The following PCDHGB1 variants were observed in gnomAD, a reference collection of about 807,000 sequenced individuals.
PCDHGB1 encodes the protein protocadherin gamma-B1.
In PCDHGB1, 34 loss-of-function variants were observed where a neutral mutation model predicts 56.6. That is an observed-to-expected ratio of 0.60 (90% CI 0.46 to 0.80). PCDHGB1 has a LOEUF of 0.80. Ranked by LOEUF, PCDHGB1 falls within the 30% of genes least tolerant of loss-of-function variation. The pLI, the probability that PCDHGB1 is intolerant of heterozygous loss-of-function variation, is 0.00. For missense variants in PCDHGB1, 1,278 were observed against 1,204.6 expected, an observed-to-expected ratio of 1.06 and a Z score of -0.90; for synonymous variants, 561 against 505.9, an observed-to-expected ratio of 1.11 and a Z score of -1.46.
At chr5:141,382,989 T>C (rs1377336206) in intron 1 of PCDHGB1, 5 of 1,613,356 alleles carry the variant, frequency 3.1e-6, no homozygotes, top group East Asian at 2.2e-5. Context: ...GGGCAGGACG[T>C]ATTCTCTACT....
intron 1 of PCDHGB1, among the ~76,000 whole-genome samples, chr5:141,454,831 A>C (rs1489772379): frequency 1.3e-5 from 1 of 78,366 alleles, no homozygotes; most frequent in African/African-American, 6.7e-5. Context: ...TTTTTGAGAC[A>C]GAGTCGCGCT....
intron 3 of PCDHGB1, among the ~76,000 whole-genome samples, chr5:141,510,504 G>A (rs371169260): frequency 1.3e-5 from 2 of 152,154 alleles, no homozygotes; most frequent in African/African-American, 4.8e-5. Flanking sequence ...AAGGAACTGA[G>A]AGCCCGTGTC....
chr5:141,492,723 C>T (rs896613323), intron 1 of PCDHGB1, among the ~76,000 whole-genome samples: 2 of 152,268 alleles, frequency 1.3e-5, no homozygotes, highest in African/African-American at 4.8e-5. Flanking sequence ...GGCGGACAGG[C>T]AGAGCTGCCC....
rs187164796 is a variant in PCDHGB1, at chr5:141,398,527, A to C, written c.2409+45858A>C. On this transcript the variant is annotated intron_variant, in intron 1 of 3. Transcript: ENST00000523390. ...CATTAATGACCACACGCCAAAATTC[A>C]CGCAAAATTCCTTTGAGCTGCAAAT... 1.8e-3 allele frequency: 2,980 copies of C among 1,613,696 alleles called. 47 individuals are homozygous for C. The African/African-American group carries it at 0.033, about 18-fold the overall frequency.
chr5:141,426,565 T>G, intron 1 of PCDHGB1: 1 of 351,600 alleles, frequency 2.8e-6, no homozygotes, highest in Non-Finnish European at 5.7e-6. Flanking sequence ...AGATCGAGAG[T>G]CACTGTCTTC....
At chr5:141,505,673 G>C (rs1389292278) in intron 3 of PCDHGB1, among the ~76,000 whole-genome samples, 192 bp downstream of exon 3, 1 of 152,178 alleles carries the variant, frequency 6.6e-6, no homozygotes, top group East Asian at 1.9e-4. Context: ...AGGGGTTGGG[G>C]GTCCTGGGAT....
chr5:141,432,014 A>G lies in PCDHGB1; in HGVS notation c.2410-62793A>G, dbSNP rs778393699. The G allele has an allele frequency of 1.5e-5, 25 of 1,614,078 alleles. No individual in the cohort carries two copies. The highest frequency in any genetic ancestry group is 2.0e-5 in the Non-Finnish European group (24 of 1,180,036). ...GGATAGGGAACAGGTTCCTAGCTAC[A>G]ACATCACAGTGACCGCCACTGACCG... On this transcript the variant is annotated intron_variant, in intron 1 of 3. Coordinates refer to ENST00000523390, the MANE Select transcript of PCDHGB1 (RefSeq NM_018922.3). This position sits in a 1 kb window ranked among gnomAD's most constrained non-coding sequence, Gnocchi z 6.0.
chr5:141,364,432 G>T (rs763376851), intron 1 of PCDHGB1: 1 of 1,613,796 alleles, frequency 6.2e-7, no homozygotes, highest in Non-Finnish European at 8.5e-7. Context: ...TCCGCTACTC[G>T]ATGCCGGAGG....
At chr5:141,427,450 C>A in intron 1 of PCDHGB1, 1 of 486,442 alleles carries the variant, frequency 2.1e-6, no homozygotes, top group Non-Finnish European at 4.0e-6. Context: ...GAAAGAGTTC[C>A]TTTTAGAATC....
intron 1 of PCDHGB1, chr5:141,375,556 G>A (rs750283278): frequency 2.9e-5 from 47 of 1,614,044 alleles, no homozygotes; most frequent in Non-Finnish European, 4.0e-5. Context: ...CCTACTCACT[G>A]GCAGAAGACA....
intron 1 of PCDHGB1, chr5:141,440,087 A>C (rs1014881024): frequency 6.6e-6 from 1 of 152,316 alleles, no homozygotes; most frequent in African/African-American, 2.4e-5. Context: ...CTTCATTCTA[A>C]GTGGGGAAAG....
intron 1 of PCDHGB1, chr5:141,366,538 C>T (rs1369448812): frequency 2.5e-6 from 4 of 1,614,268 alleles, no homozygotes; most frequent in Admixed American, 1.7e-5. Flanking sequence ...CGGGTGTGCC[C>T]GCCTCGCACT....
rs201412037 is a variant in PCDHGB1, at chr5:141,421,093, A to G, written c.2409+68424A>G. The G allele has an allele frequency of 3.5e-5, 23 of 665,630 alleles. No homozygotes were observed. In the East Asian group the frequency reaches 6.2e-4, roughly 18 times the overall value. 41.2% of individuals were successfully genotyped at this position (665,630 alleles called of 1,614,324 possible). On this transcript the variant is annotated intron_variant, in intron 1 of 3. Coordinates refer to ENST00000523390, the MANE Select transcript of PCDHGB1 (RefSeq NM_018922.3). ...GAGATGGATACTCACAGATCCTGAC[A>G]CTGGAGACTTAGAAGTATTTTCCTT... is the stretch of plus-strand genomic sequence containing the variant.
At chr5:141,435,215 C>G (rs4912753) in intron 1 of PCDHGB1, among the ~76,000 whole-genome samples, 81,908 of 151,924 alleles carry the variant, frequency 0.54, 24,122 homozygotes, top group African/African-American at 0.79. Flanking sequence ...AGTGAATTTA[C>G]TTTCTTTCAA....
At chr5:141,369,119 A>C (rs1265778026) in intron 1 of PCDHGB1, among the ~76,000 whole-genome samples, 2 of 152,206 alleles carry the variant, frequency 1.3e-5, no homozygotes, top group Non-Finnish European at 2.9e-5. Flanking sequence ...ACTGTAAGAC[A>C]CCTGTCAGAA....
At chr5:141,360,394 A>G in intron 1 of PCDHGB1, 8 of 1,613,932 alleles carry the variant, frequency 5.0e-6, no homozygotes, top group Non-Finnish European at 6.8e-6. Context: ...CTTACTTGTG[A>G]GTGACAGAAT....
In PCDHGB1 at chr5:141,351,577, C is replaced by T. The variant is rs529917134; in HGVS notation, c.1317C>T (p.Ser439=). The T allele has an allele frequency of 8.1e-6, 13 of 1,614,028 alleles. No homozygotes were observed. The African/African-American group carries it at 1.7e-4, about 22-fold the overall frequency. ...SSRTSITLHI[S]DINDNAPVFH... is the part of the protein sequence containing the mutation. ...GGACAAGCATCACCCTGCACATCTC[C>T]GACATCAACGACAATGCACCTGTTT... is the stretch of plus-strand genomic sequence containing the variant. Residue 439 remains serine, a synonymous_variant, in exon 1 of 4, where the codon TCC becomes TCT. Transcript: ENST00000523390.
At chr5:141,415,083 G>A (rs747351388) in intron 1 of PCDHGB1, 4 of 1,613,514 alleles carry the variant, frequency 2.5e-6, no homozygotes, top group Non-Finnish European at 3.4e-6. Context: ...CGCGAGCCCT[G>A]CTGGACAGAG....
At chr5:141,430,373 A>G (rs1456234962) in intron 1 of PCDHGB1, among the ~76,000 whole-genome samples, 1 of 151,170 alleles carries the variant, frequency 6.6e-6, no homozygotes, top group Non-Finnish European at 1.5e-5. Flanking sequence ...GGGAAAAAAA[A>G]GCTCATTGGG....
Sources: gnomAD v4.1 joint callset for allele counts (sites outside exome capture counted in the v4.1 genomes callset) on GRCh38, gnomAD v4.1.1 for gene constraint, Gnocchi (gnomAD v3.1) non-coding constraint, MANE v1.5 for transcripts, NCBI Gene and HGNC (gene_info 2026-07-23, HGNC 2026-07-21) for gene names.